The following CCSER1 variants were observed in gnomAD, a reference collection of about 807,000 sequenced individuals.
CCSER1 encodes coiled-coil serine rich protein 1, also known as serine-rich coiled-coil domain-containing protein 1.
In CCSER1, 41 loss-of-function variants were observed where a neutral mutation model predicts 82.0. The ratio of observed to expected loss-of-function variants is 0.50; its 90% CI spans 0.39 to 0.65. The LOEUF (loss-of-function observed/expected upper bound fraction) is 0.65. Ranked by LOEUF, CCSER1 falls within the 30% of genes least tolerant of loss-of-function variation. The pLI, the probability that CCSER1 is intolerant of heterozygous loss-of-function variation, is 0.00. For synonymous variants in CCSER1, 414 were observed against 383.9 expected (o/e 1.08, Z -0.92); for missense variants, 1,119 against 1,064.2 (o/e 1.05, Z -0.72).
At chr4:90,334,075 T>C (rs745971897) in intron 3 of CCSER1, among the ~76,000 whole-genome samples, 9 of 152,210 alleles carry the variant, frequency 5.9e-5, no homozygotes, top group Non-Finnish European at 5.9e-5. Flanking sequence ...TGTTTTGTAT[T>C]CTTAACACAA....
At chr4:90,709,471 T>C (rs1427262293) in intron 6 of CCSER1, among the ~76,000 whole-genome samples, 4 of 152,094 alleles carry the variant, frequency 2.6e-5, no homozygotes, top group Non-Finnish European at 4.4e-5. Context: ...TGTGTGTTGT[T>C]TTCCCCTATA....
At chr4:91,318,176 A>T (rs1560586258) in intron 10 of CCSER1, among the ~76,000 whole-genome samples, 1 of 151,976 alleles carries the variant, frequency 6.6e-6, no homozygotes, top group Non-Finnish European at 1.5e-5. Context: ...TAGCTGCAAT[A>T]TACTGAGTAA....
intron 6 of CCSER1, chr4:90,642,518 A>G (rs1227539468): frequency 6.6e-6 from 1 of 152,196 alleles, no homozygotes; most frequent in Non-Finnish European, 1.5e-5. Context: ...ATAGACATTT[A>G]CTATTTCAAA....
chr4:91,367,510 C>T (rs954216325), intron 10 of CCSER1, among the ~76,000 whole-genome samples: 25 of 148,040 alleles, frequency 1.7e-4, no homozygotes, highest in African/African-American at 6.0e-4. Flanking sequence ...AGTTCTTTAT[C>T]TTTATCTCTA....
At chr4:91,246,811 TACACACATACACACATAC>T (rs1739815508) in intron 10 of CCSER1, among the ~76,000 whole-genome samples, 1 of 117,656 alleles carries the variant, frequency 8.5e-6, no homozygotes, top group African/African-American at 3.6e-5. Context: ...AGGCATCTCA[TACACACATACACACATAC>T]ACACACACAC....
chr4:90,635,561 A>T (rs1319444720), intron 6 of CCSER1, among the ~76,000 whole-genome samples: 1 of 151,838 alleles, frequency 6.6e-6, no homozygotes, highest in Non-Finnish European at 1.5e-5. Context: ...TATAGTTAAA[A>T]CTATAATTAC....
intron 10 of CCSER1, among the ~76,000 whole-genome samples, chr4:91,114,739 T>G (rs1726399900): frequency 6.6e-6 from 1 of 152,206 alleles, no homozygotes; most frequent in Non-Finnish European, 1.5e-5. Context: ...TTCTCTTCAG[T>G]TTAGTCAATT....
intron 10 of CCSER1, among the ~76,000 whole-genome samples, chr4:91,455,528 C>CTCAT (rs540902389): frequency 6.6e-6 from 1 of 151,986 alleles, no homozygotes; most frequent in Non-Finnish European, 1.5e-5. Flanking sequence ...ACAGCAAGGC[C>CTCAT]TCATTAGACA....
At chr4:90,761,067 C>T (rs1341620258) in intron 7 of CCSER1, among the ~76,000 whole-genome samples, 12 of 152,042 alleles carry the variant, frequency 7.9e-5, no homozygotes, top group Admixed American at 7.9e-4. Flanking sequence ...AATAAATTTA[C>T]AGGGCTCTCT....
intron 5 of CCSER1, among the ~76,000 whole-genome samples, chr4:90,615,440 T>G (rs1721006620): frequency 6.6e-6 from 1 of 152,178 alleles, no homozygotes; most frequent in Non-Finnish European, 1.5e-5. Flanking sequence ...TAAGAACATT[T>G]GTAATTCATG....
chr4:91,569,072 G>C (rs1174944657), intron 10 of CCSER1, among the ~76,000 whole-genome samples: 1 of 152,168 alleles, frequency 6.6e-6, no homozygotes, highest in African/African-American at 2.4e-5. Context: ...TTTATTTGAA[G>C]CTGTCTTCTT....
chr4:90,577,722 A>G (rs902170381), intron 5 of CCSER1, among the ~76,000 whole-genome samples: 5 of 152,126 alleles, frequency 3.3e-5, no homozygotes, highest in Non-Finnish European at 7.4e-5. Context: ...TCATATTTTT[A>G]AGAGTTCCTC....
intron 10 of CCSER1, among the ~76,000 whole-genome samples, chr4:91,312,019 T>C (rs1200829893): frequency 6.6e-6 from 1 of 151,974 alleles, no homozygotes; most frequent in South Asian, 2.1e-4. Context: ...TTCTGATTTT[T>C]AAAATATAGA....
chr4:91,541,612 T>C (rs1386355152), intron 10 of CCSER1, among the ~76,000 whole-genome samples: 1 of 152,210 alleles, frequency 6.6e-6, no homozygotes, highest in Non-Finnish European at 1.5e-5. Flanking sequence ...CACATTTTCT[T>C]AATCCAGTCT....
intron 10 of CCSER1, among the ~76,000 whole-genome samples, chr4:91,223,701 G>C (rs1737929979): frequency 6.6e-6 from 1 of 152,004 alleles, no homozygotes; most frequent in Non-Finnish European, 1.5e-5. Context: ...AGGAAGATTG[G>C]AGACACATAA....
chr4:91,081,912 G>C (rs1210896270), intron 9 of CCSER1, among the ~76,000 whole-genome samples: 2 of 152,136 alleles, frequency 1.3e-5, no homozygotes, highest in Admixed American at 1.3e-4. Flanking sequence ...TGAAACAAAA[G>C]AGAATACAAA....
At chr4:91,328,429 A>G (rs893517259) in intron 10 of CCSER1, among the ~76,000 whole-genome samples, 1 of 152,070 alleles carries the variant, frequency 6.6e-6, no homozygotes, top group Non-Finnish European at 1.5e-5. Flanking sequence ...GTGAAAACTC[A>G]CTCACTATCA....
intron 10 of CCSER1, among the ~76,000 whole-genome samples, chr4:91,395,998 G>T (rs1191987433): frequency 6.6e-6 from 1 of 152,044 alleles, no homozygotes; most frequent in Admixed American, 6.6e-5. Flanking sequence ...CATGATGCCT[G>T]CCCCTGCTTC....
At chr4:91,542,327 G>A (rs1761646935) in intron 10 of CCSER1, among the ~76,000 whole-genome samples, 1 of 152,094 alleles carries the variant, frequency 6.6e-6, no homozygotes, top group African/African-American at 2.4e-5. Context: ...GAATGGTATT[G>A]CCTAGGTTTT....
Sources: allele counts gnomAD v4.1 joint callset (sites outside exome capture counted in the v4.1 genomes callset), GRCh38; gene constraint gnomAD v4.1.1; transcripts MANE v1.5; gene names NCBI Gene and HGNC (gene_info 2026-07-23, HGNC 2026-07-21).